CNTNAP4: variants seen among roughly 807,000 people sequenced by gnomAD.
CNTNAP4 encodes contactin-associated protein-like 4.
Under a neutral mutation model 148.4 loss-of-function variants are expected in CNTNAP4, and 98 were observed. That is an observed-to-expected ratio of 0.66 (90% CI 0.56 to 0.78). The LOEUF (loss-of-function observed/expected upper bound fraction) is 0.78, where lower values mean the gene tolerates loss of function less well. Ranked by LOEUF, CNTNAP4 falls within the 30% of genes least tolerant of loss-of-function variation. The pLI, the probability that CNTNAP4 is intolerant of heterozygous loss-of-function variation, is 0.00. For synonymous variants in CNTNAP4, 730 were observed against 565.1 expected (o/e 1.29, Z -4.14); for missense variants, 1,935 against 1,565.6 (o/e 1.24, Z -3.98).
At chr16:76,321,386 T>C (rs1962392594) in intron 2 of CNTNAP4, among the ~76,000 whole-genome samples, 4 of 152,240 alleles carry the variant, frequency 2.6e-5, no homozygotes, top group Admixed American at 2.6e-4. Context: ...TTCCAAGATA[T>C]GCATGTTGCA....
At chr16:76,392,271 G>C (rs966270348) in intron 3 of CNTNAP4, among the ~76,000 whole-genome samples, 9 of 152,298 alleles carry the variant, frequency 5.9e-5, no homozygotes, top group African/African-American at 1.7e-4. Context: ...TGGGATTACA[G>C]GCATGAGCCA....
At chr16:76,458,797 T>G (rs1279007603) in intron 8 of CNTNAP4, among the ~76,000 whole-genome samples, 1 of 152,128 alleles carries the variant, frequency 6.6e-6, no homozygotes, top group Non-Finnish European at 1.5e-5. Context: ...GGGACGCCTA[T>G]TTTTGGTAGA....
At chr16:76,335,815 G>A (rs1963973476) in intron 2 of CNTNAP4, among the ~76,000 whole-genome samples, 2 of 152,176 alleles carry the variant, frequency 1.3e-5, no homozygotes, top group South Asian at 2.1e-4. Context: ...AAGCACAGGA[G>A]GTAGAGGCAG....
chr16:76,386,542 A>G (rs8063450), intron 3 of CNTNAP4, among the ~76,000 whole-genome samples: 1,534 of 152,308 alleles, frequency 0.01, 18 homozygotes, highest in African/African-American at 0.026. Context: ...CTGTGTGATA[A>G]GTACAGCTGA....
intron 3 of CNTNAP4, among the ~76,000 whole-genome samples, chr16:76,387,069 G>C (rs983976966): frequency 6.6e-6 from 1 of 152,112 alleles, no homozygotes; most frequent in Non-Finnish European, 1.5e-5. Context: ...CATGCATCCT[G>C]CTGACATCTT....
intron 4 of CNTNAP4, among the ~76,000 whole-genome samples, chr16:76,430,451 A>T (rs982364702): frequency 1.3e-5 from 2 of 152,162 alleles, no homozygotes; most frequent in Non-Finnish European, 2.9e-5. Context: ...GTTTGTCTGC[A>T]ACTCCCTTAA....
At chr16:76,331,153 A>T in intron 2 of CNTNAP4, among the ~76,000 whole-genome samples, 1 of 150,110 alleles carries the variant, frequency 6.7e-6, no homozygotes, top group Non-Finnish European at 1.5e-5. Flanking sequence ...TACCATTTTG[A>T]TTCCATTCTC....
At chr16:76,321,427 G>C (rs1443261703) in intron 2 of CNTNAP4, among the ~76,000 whole-genome samples, 1 of 151,724 alleles carries the variant, frequency 6.6e-6, no homozygotes, top group Non-Finnish European at 1.5e-5. Flanking sequence ...GATCCCTAAA[G>C]ATAAAAAAAA....
Position 76,558,691 on chromosome 16 carries a change from C to G in CNTNAP4, c.*8C>G. ...AAAGAGTACTTCTTCTGATTGGCAG[C>G]TATGATTTAACATAAAATTATGATA... On this transcript the variant is annotated 3_prime_UTR_variant, in exon 24 of 24. Coordinates refer to ENST00000611870, the MANE Select transcript of CNTNAP4 (RefSeq NM_033401.5). 1 of 1,586,166 alleles carries G rather than the reference C, an allele frequency of 6.3e-7. No homozygotes were observed. The highest frequency in any genetic ancestry group is 8.6e-7 in the Non-Finnish European group (1 of 1,164,886).
intron 3 of CNTNAP4, among the ~76,000 whole-genome samples, chr16:76,355,863 T>G (rs2012548916): frequency 6.7e-6 from 1 of 149,228 alleles, no homozygotes; most frequent in Non-Finnish European, 1.5e-5. Context: ...TTTATTTATT[T>G]ATTTATTTAT....
At chr16:76,301,967 A>G (rs1217763029) in intron 1 of CNTNAP4, among the ~76,000 whole-genome samples, 1 of 152,062 alleles carries the variant, frequency 6.6e-6, no homozygotes, top group African/African-American at 2.4e-5. Flanking sequence ...TCTGACATCA[A>G]AAAGCCACCT....
intron 17 of CNTNAP4, among the ~76,000 whole-genome samples, chr16:76,526,135 A>G (rs1381731883): frequency 3.9e-5 from 6 of 152,102 alleles, no homozygotes; most frequent in African/African-American, 1.4e-4. Context: ...AGTCCTCTCT[A>G]GCGACATTAG....
intron 3 of CNTNAP4, among the ~76,000 whole-genome samples, chr16:76,421,878 G>T (rs1445038032): frequency 4.6e-5 from 7 of 152,068 alleles, no homozygotes; most frequent in Non-Finnish European, 1.0e-4. Flanking sequence ...CTATATAATT[G>T]CAGAGTCTGC....
chr16:76,464,392 A>G (rs577709302), intron 9 of CNTNAP4, among the ~76,000 whole-genome samples: 1 of 152,256 alleles, frequency 6.6e-6, no homozygotes, highest in South Asian at 2.1e-4. Context: ...ACTCTTGCCA[A>G]CTTTAGCTGA....
At chr16:76,400,433 G>C (rs62051212) in intron 3 of CNTNAP4, among the ~76,000 whole-genome samples, 51,014 of 151,948 alleles carry the variant, frequency 0.34, 10,660 homozygotes, top group Non-Finnish European at 0.44. Context: ...CCTTACAGAT[G>C]CTGGATATTA....
chr16:76,440,032 G>T (rs1597545456), intron 4 of CNTNAP4, among the ~76,000 whole-genome samples: 2 of 86,676 alleles, frequency 2.3e-5, no homozygotes, highest in East Asian at 3.0e-4. Flanking sequence ...GTCAAAATTG[G>T]ACCTCTGTTT....
Position 76,553,925 on chromosome 16 carries a change from T to C in CNTNAP4, c.3733+18T>C, listed in dbSNP as rs769019129. 2 of 1,479,910 alleles carry C rather than the reference T, an allele frequency of 1.4e-6. No homozygotes were observed. Among genetic ancestry groups the C allele is most frequent in the South Asian group, 1.1e-5 (1 of 87,106 alleles). 91.7% of individuals were successfully genotyped at this position (1,479,910 alleles called of 1,614,324 possible). A position where few individuals can be genotyped will look rare whatever the true frequency, so the allele number is the denominator to read the frequency against. ...AATTGGAGGTAATAAGAAGCATGAA[T>C]GAGCTCTTCTTTGGTTGTTCTTATT... On this transcript the variant is annotated intron_variant, in intron 23 of 23. Coordinates refer to ENST00000611870, the MANE Select transcript of CNTNAP4 (RefSeq NM_033401.5).
At chr16:76,412,489 T>C (rs1217441164) in intron 3 of CNTNAP4, among the ~76,000 whole-genome samples, 1 of 151,410 alleles carries the variant, frequency 6.6e-6, no homozygotes, top group Non-Finnish European at 1.5e-5. Context: ...AAAATTCCAT[T>C]TGTTCCACAT....
intron 21 of CNTNAP4, among the ~76,000 whole-genome samples, chr16:76,545,577 A>G (rs61664530): frequency 9.5e-6 from 1 of 105,668 alleles, no homozygotes; most frequent in Non-Finnish European, 2.0e-5. Flanking sequence ...ATAGAGCTCT[A>G]CTTACACTAA....
Sources: gnomAD v4.1 joint callset for allele counts (sites outside exome capture counted in the v4.1 genomes callset) on GRCh38, gnomAD v4.1.1 for gene constraint, MANE v1.5 for transcripts, NCBI Gene and HGNC (gene_info 2026-07-23, HGNC 2026-07-21) for gene names.